DLC1: variants seen among roughly 807,000 people sequenced by gnomAD.
DLC1 encodes the protein DLC1 Rho GTPase activating protein.
In DLC1, 54 loss-of-function variants were observed where a neutral mutation model predicts 140.3. That is an observed-to-expected ratio of 0.38 (90% CI 0.31 to 0.48). DLC1 has a LOEUF of 0.48. Among genes scored for constraint, DLC1 ranks in the 20% least tolerant of loss-of-function variants. The pLI, the probability that DLC1 is intolerant of heterozygous loss-of-function variation, is 0.96. For synonymous variants in DLC1, 986 were observed against 728.1 expected, an observed-to-expected ratio of 1.35 and a Z score of -5.70; for missense variants, 2,536 against 1,907.0, an observed-to-expected ratio of 1.33 and a Z score of -6.14.
At chr8:13,155,276 A>G (rs1392922412) in intron 5 of DLC1, among the ~76,000 whole-genome samples, 3 of 152,006 alleles carry the variant, frequency 2.0e-5, no homozygotes, top group Admixed American at 6.6e-5. Context: ...TAATGTATCC[A>G]GTTTTTTATT....
At chr8:13,140,375 A>G (rs1359917430) in intron 5 of DLC1, among the ~76,000 whole-genome samples, 1 of 151,902 alleles carries the variant, frequency 6.6e-6, no homozygotes, top group Non-Finnish European at 1.5e-5. Flanking sequence ...TAGGAGTACA[A>G]ATGGGCATCA....
chr8:13,349,315 C>T (rs747771683), intron 4 of DLC1, among the ~76,000 whole-genome samples: 5 of 152,028 alleles, frequency 3.3e-5, no homozygotes, highest in Non-Finnish European at 7.4e-5. Context: ...GTGTTTAGGT[C>T]CTTCTGGTTA....
chr8:13,224,486 T>C (rs563651413), intron 5 of DLC1, among the ~76,000 whole-genome samples: 82 of 152,218 alleles, frequency 5.4e-4, no homozygotes, highest in African/African-American at 1.9e-3. Flanking sequence ...ATATACATGA[T>C]TCAACAATGG....
chr8:13,132,611 C>T (rs1358785583), intron 5 of DLC1, among the ~76,000 whole-genome samples: 1 of 152,146 alleles, frequency 6.6e-6, no homozygotes, highest in Non-Finnish European at 1.5e-5. Context: ...GAGCCAGAGC[C>T]GCGAGCCCCC....
intron 5 of DLC1, among the ~76,000 whole-genome samples, chr8:13,141,428 G>A (rs1001155745): frequency 6.6e-6 from 1 of 152,156 alleles, no homozygotes; most frequent in Non-Finnish European, 1.5e-5. Flanking sequence ...GAAAATCTGT[G>A]AGGTTTTCAA....
At chr8:13,140,687 A>G (rs1389280547) in intron 5 of DLC1, among the ~76,000 whole-genome samples, 1 of 152,208 alleles carries the variant, frequency 6.6e-6, no homozygotes, top group African/African-American at 2.4e-5. Flanking sequence ...GATAAAAATT[A>G]ACAAGCTTCA....
chr8:13,373,971 A>G (rs1233943291), intron 4 of DLC1, among the ~76,000 whole-genome samples: 1 of 152,220 alleles, frequency 6.6e-6, no homozygotes, highest in Non-Finnish European at 1.5e-5. Flanking sequence ...CAGATTTGCA[A>G]AGATGTCATC....
intron 1 of DLC1, among the ~76,000 whole-genome samples, chr8:13,525,020 G>C (rs1030401849): frequency 1.3e-5 from 2 of 152,038 alleles, no homozygotes; most frequent in African/African-American, 4.8e-5. Flanking sequence ...CTGCTCCCAA[G>C]GCAACGACTG....
chr8:13,083,585 G>A lies in DLC1; in HGVS notation c.*2226C>T, dbSNP rs1817315798. ...AATTCTTCTCTTGTCAAATTAAACA[G>A]TGGGAAAGAGAACTTTTGTGGCATT... On this transcript the variant is annotated 3_prime_UTR_variant, in exon 18 of 18. Coordinates refer to ENST00000276297, the MANE Select transcript of DLC1 (RefSeq NM_182643.3). 6.6e-6 allele frequency: 1 copy of A among 152,620 alleles called. No individual in the cohort carries two copies. The highest frequency in any genetic ancestry group is 6.5e-5 in the Admixed American group (1 of 15,274). The allele number at this position is 152,620 out of a possible 1,614,324, so 9.5% of individuals were successfully genotyped here.
At chr8:13,258,438 C>T (rs1243712471) in intron 5 of DLC1, among the ~76,000 whole-genome samples, 2 of 152,118 alleles carry the variant, frequency 1.3e-5, no homozygotes, top group Non-Finnish European at 2.9e-5. Context: ...AATAGTTACC[C>T]ATATATATTC....
chr8:13,533,542 G>A (rs1018166795), intron 1 of DLC1, among the ~76,000 whole-genome samples: 3 of 152,302 alleles, frequency 2.0e-5, no homozygotes, highest in African/African-American at 7.2e-5. Context: ...ATCATGAAAA[G>A]TAGACAATGT....
intron 2 of DLC1, among the ~76,000 whole-genome samples, chr8:13,483,802 C>T (rs1025043635): frequency 4.3e-4 from 66 of 152,046 alleles, no homozygotes; most frequent in African/African-American, 1.4e-3. Flanking sequence ...TAATCTCGGG[C>T]GGGGTGTGGT....
At chr8:13,505,351 A>G (rs1002359718) in intron 1 of DLC1, among the ~76,000 whole-genome samples, 11 of 152,058 alleles carry the variant, frequency 7.2e-5, no homozygotes, top group African/African-American at 2.7e-4. Flanking sequence ...TTAAAATAGA[A>G]AAAAAAATCA....
intron 4 of DLC1, among the ~76,000 whole-genome samples, chr8:13,321,091 T>G (rs532279877): frequency 1.3e-5 from 2 of 152,258 alleles, no homozygotes; most frequent in African/African-American, 4.8e-5. Context: ...AGGTATTCTT[T>G]ATAGCGACAC....
At chr8:13,472,759 T>C (rs1800266972) in intron 2 of DLC1, among the ~76,000 whole-genome samples, 1 of 152,212 alleles carries the variant, frequency 6.6e-6, no homozygotes, top group Non-Finnish European at 1.5e-5. Flanking sequence ...GAATTGACTA[T>C]CAAATAATTA....
chr8:13,550,990 A>C (rs769731108), intron 1 of DLC1, among the ~76,000 whole-genome samples: 2 of 150,784 alleles, frequency 1.3e-5, no homozygotes, highest in African/African-American at 4.9e-5. Flanking sequence ...TACTCTACCA[A>C]TGTGTATTTT....
intron 4 of DLC1, among the ~76,000 whole-genome samples, chr8:13,312,679 C>A (rs1832726798): frequency 6.6e-6 from 1 of 152,006 alleles, no homozygotes. Flanking sequence ...TTAAGTACTG[C>A]ATATTAATAT....
chr8:13,263,542 A>G (rs990103831), intron 5 of DLC1, among the ~76,000 whole-genome samples: 2 of 151,432 alleles, frequency 1.3e-5, no homozygotes, highest in African/African-American at 4.8e-5. Flanking sequence ...TAATTCAAAA[A>G]CTATTCGTCA....
chr8:13,359,014 C>T (rs750079569), intron 4 of DLC1, among the ~76,000 whole-genome samples: 15 of 152,256 alleles, frequency 9.9e-5, no homozygotes, highest in Middle Eastern at 3.4e-3. Flanking sequence ...TCTAGGCTCA[C>T]TGCAAGCTCC....
Sources: allele counts gnomAD v4.1 joint callset (sites outside exome capture counted in the v4.1 genomes callset), GRCh38; gene constraint gnomAD v4.1.1; transcripts MANE v1.5; gene names NCBI Gene and HGNC (gene_info 2026-07-23, HGNC 2026-07-21).